Variants in HERPUD2 observed in about 807,000 individuals in gnomAD.
HERPUD2 encodes homocysteine-responsive endoplasmic reticulum-resident ubiquitin-like domain member 2 protein.
In HERPUD2, 13 loss-of-function variants were observed where a neutral mutation model predicts 49.9. The observed-to-expected ratio is 0.26, with a 90% CI of 0.17 to 0.41. The LOEUF (loss-of-function observed/expected upper bound fraction) is 0.41, where lower values mean the gene tolerates loss of function less well. Among genes scored for constraint, HERPUD2 ranks in the 10% least tolerant of loss-of-function variants. The pLI is 1.00. For synonymous variants in HERPUD2, 172 were observed against 171.4 expected, an observed-to-expected ratio of 1.00 and a Z score of -0.03; for missense variants, 449 against 492.2, an observed-to-expected ratio of 0.91 and a Z score of 0.83.
chr7:35,667,526 C>T lies in HERPUD2; in HGVS notation c.402G>A (p.Val134=). ...GCCTCAATCCTTCTGAGGAAGAACC[C>T]ACAGCTAAAGACAAGGTTTCTTGAC... ...SSGQETLSLA[V]GSSSEGLRQR... is the part of the protein sequence containing the mutation. The change falls in exon 5 of 9, where the codon GTG becomes GTA. Residue 134 remains valine (V), a synonymous_variant. Transcript: ENST00000311350. 1.2e-6 allele frequency: 2 copies of T among 1,613,734 alleles called. No individual in the cohort carries two copies. Among genetic ancestry groups the T allele is most frequent in the Non-Finnish European group, 1.7e-6 (2 of 1,179,778 alleles).
Position 35,633,633 on chromosome 7 carries a change from T to C in HERPUD2, c.*57A>G. The C allele has an allele frequency of 6.6e-7, 1 of 1,520,198 alleles. No individual in the cohort carries two copies. Among genetic ancestry groups the C allele is most frequent in the South Asian group, 1.2e-5 (1 of 80,800 alleles). 94.2% of individuals were successfully genotyped at this position (1,520,198 alleles called of 1,614,324 possible). ...ATAAATTTTTTTGAAATTGCACTGTTATTTAAACCACTTTCCTGAAGTCAG... is the reference window on the plus strand; with the variant it reads ...ATAAATTTTTTTGAAATTGCACTGTCATTTAAACCACTTTCCTGAAGTCAG... On this transcript the variant is annotated 3_prime_UTR_variant, in exon 9 of 9. Transcript: ENST00000311350.
At chr7:35,643,361 CT>C (rs1784998063) in intron 5 of HERPUD2, among the ~76,000 whole-genome samples, 1 of 152,252 alleles carries the variant, frequency 6.6e-6, no homozygotes, top group Admixed American at 6.5e-5. Flanking sequence ...TCATCAAACA[CT>C]ATTTATAATA....
intron 5 of HERPUD2, among the ~76,000 whole-genome samples, chr7:35,649,463 C>A (rs1023755147): frequency 2.0e-5 from 3 of 152,154 alleles, no homozygotes; most frequent in African/African-American, 7.2e-5. Context: ...GAGATTTATT[C>A]TGAGCCAAAT....
At chr7:35,662,834 T>C (rs556605622) in intron 5 of HERPUD2, among the ~76,000 whole-genome samples, 122 of 152,350 alleles carry the variant, frequency 8.0e-4, no homozygotes, top group Non-Finnish European at 1.5e-3. Flanking sequence ...CCTGGCTTCA[T>C]TGATATTTTT....
chr7:35,655,370 C>T (rs904000114), intron 5 of HERPUD2, among the ~76,000 whole-genome samples: 2 of 152,136 alleles, frequency 1.3e-5, no homozygotes, highest in African/African-American at 4.8e-5. Flanking sequence ...AAAGAGAATA[C>T]ATCATCATCA....
intron 2 of HERPUD2, among the ~76,000 whole-genome samples, chr7:35,689,005 A>G (rs1786126377): frequency 1.3e-5 from 2 of 152,332 alleles, no homozygotes; most frequent in South Asian, 4.1e-4. Flanking sequence ...CCTGGTACAC[A>G]TGGCAAACAC....
chr7:35,657,874 A>T (rs1785315143), intron 5 of HERPUD2, among the ~76,000 whole-genome samples: 1 of 151,372 alleles, frequency 6.6e-6, no homozygotes, highest in Admixed American at 6.6e-5. Context: ...GTGAGCCGAG[A>T]TCGCGCCACT....
intron 5 of HERPUD2, among the ~76,000 whole-genome samples, chr7:35,663,652 T>C (rs1333326014): frequency 2.0e-5 from 3 of 152,258 alleles, no homozygotes; most frequent in South Asian, 2.1e-4. Context: ...TTTACCATTA[T>C]GTAATGGCCT....
At position 35,635,319 on chromosome 7, in the gene HERPUD2, T is replaced by C. The variant is rs745423477; in HGVS notation, c.757A>G (p.Met253Val). ...PNLVAQENRPMNENVQMNAQG... is the reference protein window; with the variant it reads ...PNLVAQENRPVNENVQMNAQG... ...GCATTCATTTGAACATTCTCATTCATGGGTCGATTTTCTTGGGCCACTAGG... is the reference window on the plus strand; with the variant it reads ...GCATTCATTTGAACATTCTCATTCACGGGTCGATTTTCTTGGGCCACTAGG... Residue 253 changes from methionine to valine, a missense_variant, in exon 7 of 9, where the codon ATG becomes GTG. By Grantham distance (21) the Met-to-Val change is conservative (BLOSUM62 1). Transcript: ENST00000311350. 1 of 1,614,176 alleles carries C rather than the reference T, an allele frequency of 6.2e-7. No homozygotes were observed. Among genetic ancestry groups the C allele is most frequent in the Admixed American group, 1.7e-5 (1 of 60,032 alleles).
chr7:35,672,963 A>G (rs554616306), intron 3 of HERPUD2, among the ~76,000 whole-genome samples: 3 of 152,126 alleles, frequency 2.0e-5, no homozygotes, highest in Non-Finnish European at 4.4e-5. Flanking sequence ...AATGACAAAC[A>G]CCTGAACATG....
In HERPUD2 at chr7:35,635,552, A is replaced by T. The variant is rs1784858225; in HGVS notation, c.618-94T>A. 3.0e-6 allele frequency: 3 copies of T among 1,013,662 alleles called. No homozygotes were observed. The Admixed American group carries it at 8.5e-5, about 29-fold the overall frequency. The allele number at this position is 1,013,662 out of a possible 1,614,324, so 62.8% of individuals were successfully genotyped here. ...TCTTGGGGAGCTATATGTATTTTTC[A>T]TAAACCTAATATGGAATATCCCAAC... On this transcript the variant is annotated intron_variant, in intron 6 of 8. Transcript: ENST00000311350.
At chr7:35,666,448 G>A (rs7779075) in intron 5 of HERPUD2, among the ~76,000 whole-genome samples, 26,590 of 152,080 alleles carry the variant, frequency 0.17, 2,614 homozygotes, top group East Asian at 0.3. Context: ...GCAGTCAATA[G>A]CTACTCCTTG....
chr7:35,683,165 C>T (rs1785952316), intron 2 of HERPUD2, among the ~76,000 whole-genome samples: 1 of 152,164 alleles, frequency 6.6e-6, no homozygotes, highest in South Asian at 2.1e-4. Flanking sequence ...TACCTGGTTT[C>T]AAACTATACT....
chr7:35,688,212 C>T (rs538375665), intron 2 of HERPUD2, among the ~76,000 whole-genome samples: 10 of 152,292 alleles, frequency 6.6e-5, no homozygotes, highest in African/African-American at 2.4e-4. Flanking sequence ...TACTAGAACA[C>T]ATCTCCTTCC....
At chr7:35,692,085 T>C (rs1379882542) in intron 2 of HERPUD2, among the ~76,000 whole-genome samples, 4 of 152,198 alleles carry the variant, frequency 2.6e-5, no homozygotes, top group East Asian at 1.9e-4. Context: ...ATAGGCTGCA[T>C]AGTATTTGGT....
At position 35,645,405 on chromosome 7, in the gene HERPUD2, A is replaced by C. The variant is rs116612195; in HGVS notation, c.495-6933T>G. On this transcript the variant is annotated intron_variant, in intron 5 of 8. Coordinates refer to ENST00000311350, the MANE Select transcript of HERPUD2 (RefSeq NM_022373.5). Reference sequence around the variant, plus strand: ...AGGGAAGTCTGGGCGATATAGTGAGATCCCATCTCTAACAAAATAAAAATA... The same window carrying C: ...AGGGAAGTCTGGGCGATATAGTGAGCTCCCATCTCTAACAAAATAAAAATA... Among the ~76,000 whole-genome samples the C allele has an allele frequency of 5.2e-3, 796 of 152,234 alleles. 8 individuals carry two copies. The highest frequency in any genetic ancestry group is 0.019 in the African/African-American group (776 of 41,532).
chr7:35,661,237 T>C (rs1277820979), intron 5 of HERPUD2, among the ~76,000 whole-genome samples: 1 of 152,144 alleles, frequency 6.6e-6, no homozygotes, highest in Non-Finnish European at 1.5e-5. Context: ...CACTAGTCTA[T>C]ATCTCTGTTT....
At chr7:35,648,750 C>G (rs1369987645) in intron 5 of HERPUD2, among the ~76,000 whole-genome samples, 1 of 152,144 alleles carries the variant, frequency 6.6e-6, no homozygotes, top group Non-Finnish European at 1.5e-5. Flanking sequence ...GAATGAGAAA[C>G]TTGAAACGGC....
chr7:35,661,694 G>T (rs896559942), intron 5 of HERPUD2, among the ~76,000 whole-genome samples: 1 of 152,116 alleles, frequency 6.6e-6, no homozygotes, highest in Non-Finnish European at 1.5e-5. Flanking sequence ...TTGGTGTATA[G>T]GAATGCTTGT....
Sources: allele counts gnomAD v4.1 joint callset (sites outside exome capture counted in the v4.1 genomes callset), GRCh38; gene constraint gnomAD v4.1.1; transcripts MANE v1.5; gene names NCBI Gene and HGNC (gene_info 2026-07-23, HGNC 2026-07-21).